MAP2K6: variants seen among roughly 807,000 people sequenced by gnomAD.
MAP2K6 encodes dual specificity mitogen-activated protein kinase kinase 6.
MAP2K6 carries 16 observed loss-of-function variants against 53.7 expected under a neutral mutation model. The ratio of observed to expected loss-of-function variants is 0.30; its 90% confidence interval spans 0.20 to 0.45. The LOEUF (loss-of-function observed/expected upper bound fraction) is 0.45. Among genes scored for constraint, MAP2K6 ranks in the 20% least tolerant of loss-of-function variants. The probability of loss-of-function intolerance (pLI) is 1.00; values close to 1 mark genes in which losing one functional copy is unlikely to be tolerated. For synonymous variants in MAP2K6, 132 were observed against 143.1 expected, an observed-to-expected ratio of 0.92 and a Z score of 0.55; for missense variants, 204 against 411.9, an observed-to-expected ratio of 0.50 and a Z score of 4.37.
Position 69,440,239 on chromosome 17 carries a change from G to C in MAP2K6, c.16+25239G>C, listed in dbSNP as rs1598262501. ...ATTTTTGTGTTTTTAGTAGAGACAG[G>C]GTTTCACTGTGTTAGCCAGGCTGGT... is the stretch of plus-strand genomic sequence containing the variant. On this transcript the variant is annotated intron_variant, in intron 1 of 11. Coordinates refer to ENST00000590474, the MANE Select transcript of MAP2K6 (RefSeq NM_002758.4). Among the ~76,000 whole-genome samples, 7 of 152,134 alleles carry C rather than the reference G, an allele frequency of 4.6e-5. 1 individual carries two copies. In the South Asian group the frequency reaches 1.5e-3, roughly 32 times the overall value.
intron 1 of MAP2K6, among the ~76,000 whole-genome samples, chr17:69,462,705 C>T (rs955935349): frequency 2.6e-4 from 39 of 152,200 alleles, no homozygotes; most frequent in African/African-American, 9.2e-4. Flanking sequence ...AGATGTTCTG[C>T]AAAGCCCTTG....
chr17:69,478,297 C>T (rs899206088), intron 1 of MAP2K6, among the ~76,000 whole-genome samples: 2 of 152,196 alleles, frequency 1.3e-5, no homozygotes, highest in South Asian at 4.1e-4. Flanking sequence ...ATTCAGGCCA[C>T]GCAGGAAGTT....
At chr17:69,426,403 T>A (rs1906277788) in intron 1 of MAP2K6, among the ~76,000 whole-genome samples, 1 of 152,258 alleles carries the variant, frequency 6.6e-6, no homozygotes, top group South Asian at 2.1e-4. Flanking sequence ...CTTTGGCCAG[T>A]GCTTGGCATT....
intron 1 of MAP2K6, among the ~76,000 whole-genome samples, chr17:69,491,467 A>G (rs1397735240): frequency 6.6e-6 from 1 of 151,980 alleles, no homozygotes; most frequent in South Asian, 2.1e-4. Context: ...CCAGTCTATC[A>G]TTGATGGGCA....
At chr17:69,444,632 T>C (rs1906915781) in intron 1 of MAP2K6, among the ~76,000 whole-genome samples, 1 of 152,186 alleles carries the variant, frequency 6.6e-6, no homozygotes, top group South Asian at 2.1e-4. Flanking sequence ...CTTTGCAGTC[T>C]CTCCATGTCT....
chr17:69,460,545 A>T (rs1307956988), intron 1 of MAP2K6, among the ~76,000 whole-genome samples: 1 of 152,190 alleles, frequency 6.6e-6, no homozygotes, highest in African/African-American at 2.4e-5. Context: ...CTCAAAAATG[A>T]GAGATCAGTA....
chr17:69,502,136 T>C, intron 1 of MAP2K6: 1 of 984,086 alleles, frequency 1.0e-6, no homozygotes, highest in Non-Finnish European at 1.2e-6. Flanking sequence ...TAATGATTAA[T>C]GTCACGCCTG....
intron 2 of MAP2K6, among the ~76,000 whole-genome samples, chr17:69,514,666 A>T (rs1444781206): frequency 1.3e-5 from 2 of 151,930 alleles, no homozygotes; most frequent in Admixed American, 6.6e-5. Context: ...GGTTCAAGCG[A>T]TTCTCCTGCC....
intron 1 of MAP2K6, among the ~76,000 whole-genome samples, chr17:69,491,010 A>G (rs1908724628): frequency 6.6e-6 from 1 of 152,202 alleles, no homozygotes; most frequent in South Asian, 2.1e-4. Flanking sequence ...TAAAGATAAT[A>G]TCCTCCAGCT....
At chr17:69,421,318 G>A (rs1445803973) in intron 1 of MAP2K6, among the ~76,000 whole-genome samples, 1 of 152,130 alleles carries the variant, frequency 6.6e-6, no homozygotes, top group Admixed American at 6.5e-5. Flanking sequence ...AATGGCTGGC[G>A]AAGTGTCATT....
chr17:69,506,069 A>AT lies in MAP2K6; in HGVS notation c.83+223_83+224insT, dbSNP rs763292380. Among the ~76,000 whole-genome samples, 6 of 152,230 alleles carry AT rather than the reference A, an allele frequency of 3.9e-5. No homozygotes were observed. The South Asian group carries it at 6.2e-4, about 16-fold the overall frequency. On this transcript the variant is annotated intron_variant, in intron 2 of 11. Coordinates refer to ENST00000590474, the MANE Select transcript of MAP2K6 (RefSeq NM_002758.4). Reference sequence around the variant, plus strand: ...GTCTTAAGTTATTGGTTGAGTAGGAAGTGAATGTCACATATATTTGGCAGA... The same window carrying AT: ...GTCTTAAGTTATTGGTTGAGTAGGAATGTGAATGTCACATATATTTGGCAGA...
chr17:69,470,458 AG>A (rs1268844185), intron 1 of MAP2K6, among the ~76,000 whole-genome samples: 3 of 152,160 alleles, frequency 2.0e-5, no homozygotes, highest in African/African-American at 7.2e-5. Flanking sequence ...AAACCCTGCA[AG>A]GAAGCACTGG....
rs906918698 is a variant in MAP2K6 at position 69,546,832 on chromosome 17, T to C, written c.*5079T>C. 3 of 150,976 alleles carry C rather than the reference T, an allele frequency of 2.0e-5. No individual in the cohort carries two copies. Among genetic ancestry groups the C allele is most frequent in the Non-Finnish European group, 2.9e-5 (2 of 67,916 alleles). The allele number at this position is 150,976 out of a possible 1,614,324, so 9.4% of individuals were successfully genotyped here. On this transcript the variant is annotated 3_prime_UTR_variant, in exon 12 of 12. Coordinates refer to ENST00000590474, the MANE Select transcript of MAP2K6 (RefSeq NM_002758.4). ...GCAAGTGAAAAGGTATTTGAATAAATGTCAACTTCATAGGACTTTTTTTTT... is the reference window on the plus strand; with the variant it reads ...GCAAGTGAAAAGGTATTTGAATAAACGTCAACTTCATAGGACTTTTTTTTT...
At chr17:69,535,889 C>T (rs1911331002) in intron 10 of MAP2K6, among the ~76,000 whole-genome samples, 1 of 151,804 alleles carries the variant, frequency 6.6e-6, no homozygotes, top group Non-Finnish European at 1.5e-5. Context: ...TACACACACA[C>T]ACACACACAC....
At chr17:69,528,951 C>G (rs532712733) in intron 10 of MAP2K6, among the ~76,000 whole-genome samples, 28 of 148,194 alleles carry the variant, frequency 1.9e-4, no homozygotes, top group African/African-American at 6.7e-4. Context: ...GGGGAATGAT[C>G]TTATCTAGCT....
At chr17:69,463,094 C>T (rs1907675412) in intron 1 of MAP2K6, among the ~76,000 whole-genome samples, 1 of 151,516 alleles carries the variant, frequency 6.6e-6, no homozygotes. Flanking sequence ...CCTGTGGGTG[C>T]ACCAGCCACC....
At chr17:69,446,731 C>G (rs1374444525) in intron 1 of MAP2K6, among the ~76,000 whole-genome samples, 1 of 152,162 alleles carries the variant, frequency 6.6e-6, no homozygotes, top group Admixed American at 6.5e-5. Context: ...TTTTGGGTAT[C>G]ATTTGAGTAC....
At chr17:69,417,183 C>A (rs188755321) in intron 1 of MAP2K6, among the ~76,000 whole-genome samples, 91 of 152,276 alleles carry the variant, frequency 6.0e-4, no homozygotes, top group Non-Finnish European at 1.1e-3. Flanking sequence ...CCGCCTTGGC[C>A]TGGACTTTAA....
At chr17:69,441,286 T>C (rs886956649) in intron 1 of MAP2K6, among the ~76,000 whole-genome samples, 3 of 152,250 alleles carry the variant, frequency 2.0e-5, no homozygotes, top group African/African-American at 7.2e-5. Context: ...TCTGTTGTTA[T>C]AGTTTCATAT....
Sources: allele counts gnomAD v4.1 joint callset (sites outside exome capture counted in the v4.1 genomes callset), GRCh38; gene constraint gnomAD v4.1.1; transcripts MANE v1.5; gene names NCBI Gene and HGNC (gene_info 2026-07-23, HGNC 2026-07-21).